Variants in SCFD2 observed in about 807,000 individuals in gnomAD.
SCFD2 encodes sec1 family domain containing 2.
SCFD2 carries 54 observed loss-of-function variants against 58.9 expected under a neutral mutation model. The observed-to-expected ratio is 0.92, with a 90% CI of 0.74 to 1.15. The LOEUF is 1.15. SCFD2 is among the 50% of genes most tolerant of loss of function. SCFD2 has a pLI of 0.00. For missense variants in SCFD2, 805 were observed against 836.6 expected (o/e 0.96, Z 0.47); for synonymous variants, 321 against 335.9 (o/e 0.96, Z 0.49).
At chr4:52,985,926 T>C (rs569532188) in intron 5 of SCFD2, among the ~76,000 whole-genome samples, 1 of 152,152 alleles carries the variant, frequency 6.6e-6, no homozygotes, top group South Asian at 2.1e-4. Flanking sequence ...TGCGGGTATA[T>C]GGACATTTTT....
chr4:53,232,864 C>T (rs1316977473), intron 4 of SCFD2, among the ~76,000 whole-genome samples: 1 of 152,176 alleles, frequency 6.6e-6, no homozygotes, highest in Non-Finnish European at 1.5e-5. Flanking sequence ...GCTGTGAGTC[C>T]TTTAACTTCA....
rs554324468 is a variant in SCFD2, at chr4:52,926,591, T to C, written c.1562-5721A>G. ...CCCCTCACATCTGTTTGGGAAAAGCTAGGGTCAAAAAATATACTTTAACCC... is the reference window on the plus strand; with the variant it reads ...CCCCTCACATCTGTTTGGGAAAAGCCAGGGTCAAAAAATATACTTTAACCC... On this transcript the variant is annotated intron_variant, in intron 5 of 8. Transcript: ENST00000401642. Among the ~76,000 whole-genome samples, 5 of 152,328 alleles carry C rather than the reference T, an allele frequency of 3.3e-5. No homozygotes were observed. In the East Asian group the frequency reaches 7.7e-4, roughly 24 times the overall value.
At position 53,145,393 on chromosome 4, in the gene SCFD2, C is replaced by T. The variant is rs769177534; in HGVS notation, c.1501G>A (p.Ala501Thr). The stretch of plus-strand genomic sequence containing the variant: ...TCCTCACAGAAGACCTGAGCCAATG[C>T]TTTCTTGACTTTTTCTTCTGCTTCA... Reference protein sequence around the residue: ...LCEAEEKVKKALAQVFCEESG... With the variant: ...LCEAEEKVKKTLAQVFCEESG... Residue 501 changes from alanine (A) to threonine (T), a missense_variant, in exon 5 of 9, where the codon GCA becomes ACA. Ala to Thr is a moderately conservative substitution (Grantham distance 58). This residue lies in a region of SCFD2 where 633 missense variants were observed against 646.8 expected (regional missense o/e 0.98). Coordinates refer to ENST00000401642, the MANE Select transcript of SCFD2 (RefSeq NM_152540.4). The T allele has an allele frequency of 1.9e-6, 3 of 1,614,132 alleles. No individual in the cohort carries two copies. Among genetic ancestry groups the T allele is most frequent in the South Asian group, 1.1e-5 (1 of 91,080 alleles).
rs563589734 is a variant in SCFD2, at chr4:53,344,485, G to A, written c.1007+8113C>T. Among the ~76,000 whole-genome samples, 4 of 152,278 alleles carry A rather than the reference G, an allele frequency of 2.6e-5. No individual in the cohort carries two copies. The East Asian group carries it at 7.7e-4, about 29-fold the overall frequency. On this transcript the variant is annotated intron_variant, in intron 2 of 8. Transcript: ENST00000401642. ...AAATGGAAGAACATTCCATGCTCAT[G>A]GAGAGCAAGAATCAATATCACGAAA...
intron 4 of SCFD2, among the ~76,000 whole-genome samples, chr4:53,179,502 C>G (rs1182872393): frequency 6.6e-6 from 1 of 152,152 alleles, no homozygotes; most frequent in African/African-American, 2.4e-5. Context: ...CTGAAGGAAG[C>G]ACTAAAGATG....
At chr4:52,934,095 C>A (rs1720068288) in intron 5 of SCFD2, among the ~76,000 whole-genome samples, 1 of 152,152 alleles carries the variant, frequency 6.6e-6, no homozygotes, top group Non-Finnish European at 1.5e-5. Flanking sequence ...GCTATAGCAA[C>A]ACAAAGTGGA....
intron 4 of SCFD2, among the ~76,000 whole-genome samples, chr4:53,179,348 A>C (rs1369939909): frequency 6.6e-6 from 1 of 152,222 alleles, no homozygotes; most frequent in Non-Finnish European, 1.5e-5. Flanking sequence ...CCAATATTCA[A>C]CATTCTTAAA....
intron 5 of SCFD2, among the ~76,000 whole-genome samples, chr4:52,976,393 C>T (rs1158461103): frequency 6.6e-6 from 1 of 152,096 alleles, no homozygotes; most frequent in East Asian, 1.9e-4. Context: ...AAATTATTTC[C>T]TCTTTTAAAG....
At chr4:53,265,311 A>G (rs1481094876) in intron 4 of SCFD2, 6 of 152,150 alleles carry the variant, frequency 3.9e-5, no homozygotes, top group African/African-American at 7.2e-5. Flanking sequence ...TCTGAATCCA[A>G]TGAGGATTAT....
At chr4:53,080,759 C>A (rs144744547) in intron 5 of SCFD2, among the ~76,000 whole-genome samples, 3 of 152,074 alleles carry the variant, frequency 2.0e-5, no homozygotes, top group South Asian at 2.1e-4. Context: ...TTCAAAACCT[C>A]AAAATAAACA....
chr4:53,200,413 G>GA (rs1454865519), intron 4 of SCFD2, among the ~76,000 whole-genome samples: 3 of 151,932 alleles, frequency 2.0e-5, no homozygotes, highest in African/African-American at 7.3e-5. Context: ...CTATGAAAGT[G>GA]AATCTCCAAA....
intron 2 of SCFD2, among the ~76,000 whole-genome samples, chr4:53,321,965 T>C (rs1169527207): frequency 6.6e-6 from 1 of 152,206 alleles, no homozygotes. Context: ...GCTAGCCATC[T>C]AGCAGGGAAG....
rs1345531684 is a variant in SCFD2, at chr4:53,285,631, A to G, written c.1136-11630T>C. Among the ~76,000 whole-genome samples the G allele has an allele frequency of 4.6e-5, 7 of 152,062 alleles. No homozygotes were observed. The South Asian group carries it at 1.4e-3, about 31-fold the overall frequency. On this transcript the variant is annotated intron_variant, in intron 3 of 8. Coordinates refer to ENST00000401642, the MANE Select transcript of SCFD2 (RefSeq NM_152540.4). ...CAGAATGACTAAAGGAGAGCGCTGA[A>G]GTACAGTACAGCAAGGGAGTGGTGG... is the stretch of plus-strand genomic sequence containing the variant.
At chr4:53,121,091 C>T (rs1725465560) in intron 5 of SCFD2, among the ~76,000 whole-genome samples, 1 of 152,150 alleles carries the variant, frequency 6.6e-6, no homozygotes, top group African/African-American at 2.4e-5. Flanking sequence ...TCTTGAGTTC[C>T]TGTTTACAAA....
intron 2 of SCFD2, among the ~76,000 whole-genome samples, chr4:53,348,771 A>G (rs967401009): frequency 2.7e-5 from 4 of 148,932 alleles, no homozygotes; most frequent in African/African-American, 1.0e-4. Context: ...CTGGAGTGCC[A>G]TGGCCCAATC....
At chr4:52,909,536 C>T (rs1317432381) in intron 6 of SCFD2, among the ~76,000 whole-genome samples, 1 of 152,144 alleles carries the variant, frequency 6.6e-6, no homozygotes, top group Non-Finnish European at 1.5e-5. Flanking sequence ...AACATAGTAA[C>T]TATCAGCAGC....
rs182713304 is a variant in SCFD2, at chr4:53,152,086, G to A, written c.1312-6504C>T. Among the ~76,000 whole-genome samples the A allele has an allele frequency of 2.4e-3, 358 of 152,214 alleles. 2 individuals carry two copies. The highest frequency in any genetic ancestry group is 7.8e-3 in the African/African-American group (324 of 41,530). On this transcript the variant is annotated intron_variant, in intron 4 of 8. Coordinates refer to ENST00000401642, the MANE Select transcript of SCFD2 (RefSeq NM_152540.4). ...CAACACTGGGGATCACATTTCAGTC[G>A]TTTTGTATTATTATTTTTGACAAAC... is the stretch of plus-strand genomic sequence containing the variant.
intron 5 of SCFD2, among the ~76,000 whole-genome samples, chr4:53,007,305 G>GGAGAGAGGGAGAGAGAGA (rs1721991490): frequency 3.0e-5 from 2 of 66,072 alleles, no homozygotes; most frequent in African/African-American, 6.2e-5. Flanking sequence ...AGAGGGAGAG[G>GGAGAGAGGGAGAGAGAGA]GAGAGAGAGA....
At chr4:52,918,565 A>G (rs1719661601) in intron 6 of SCFD2, among the ~76,000 whole-genome samples, 1 of 152,230 alleles carries the variant, frequency 6.6e-6, no homozygotes, top group African/African-American at 2.4e-5. Flanking sequence ...TAGAATATGT[A>G]AAAATAAAGC....
Sources: gnomAD v4.1 joint callset for allele counts (sites outside exome capture counted in the v4.1 genomes callset) on GRCh38, gnomAD v4.1.1 for gene constraint, gnomAD v4.1.1 regional missense constraint, MANE v1.5 for transcripts, NCBI Gene and HGNC (gene_info 2026-07-23, HGNC 2026-07-21) for gene names.